ITPR2: variants seen among roughly 807,000 people sequenced by gnomAD.
The protein encoded by ITPR2 is inositol 1,4,5-trisphosphate receptor type 2.
In ITPR2, 207 loss-of-function variants were observed where a neutral mutation model predicts 317.1. The observed-to-expected ratio is 0.65, with a 90% CI of 0.58 to 0.73. ITPR2 has a LOEUF of 0.73. Among genes scored for constraint, ITPR2 ranks in the 30% least tolerant of loss-of-function variants. The pLI is 0.00. For missense variants in ITPR2, 2,613 were observed against 3,284.0 expected, an observed-to-expected ratio of 0.80 and a Z score of 4.99; for synonymous variants, 1,156 against 1,149.1, an observed-to-expected ratio of 1.01 and a Z score of -0.12.
intron 45 of ITPR2, among the ~76,000 whole-genome samples, chr12:26,466,437 G>T (rs907276672): frequency 2.0e-5 from 3 of 152,198 alleles, no homozygotes; most frequent in African/African-American, 7.2e-5. Flanking sequence ...GGTATACTTA[G>T]ATCCTCTTTC....
At chr12:26,695,575 G>C in intron 10 of ITPR2, 31 bp downstream of exon 10, 1 of 1,571,412 alleles carries the variant, frequency 6.4e-7, no homozygotes, top group Non-Finnish European at 8.8e-7. Context: ...AATATGCTGA[G>C]ATTTGTTGGA....
chr12:26,382,587 C>T (rs1220916934), intron 55 of ITPR2, among the ~76,000 whole-genome samples: 1 of 152,088 alleles, frequency 6.6e-6, no homozygotes, highest in Admixed American at 6.6e-5. Flanking sequence ...ATCTCTTGAA[C>T]CTGGGAGGCA....
At chr12:26,649,377 A>C (rs1947190604) in intron 21 of ITPR2, 1 of 152,218 alleles carries the variant, frequency 6.6e-6, no homozygotes, top group Non-Finnish European at 1.5e-5. Flanking sequence ...AATCTAACTG[A>C]CATAATCAAT....
chr12:26,563,943 A>C (rs2137034058), intron 34 of ITPR2, among the ~76,000 whole-genome samples: 1 of 152,332 alleles, frequency 6.6e-6, no homozygotes, highest in Middle Eastern at 3.4e-3. Flanking sequence ...AAGAATAACC[A>C]ATCCTAGTGA....
rs142600653 is a variant in ITPR2 at position 26,509,877 on chromosome 12, C to CA, written c.5074-14618dup. Among the ~76,000 whole-genome samples the CA allele has an allele frequency of 7.7e-3, 1,162 of 150,580 alleles. 18 individuals carry two copies. Among genetic ancestry groups the CA allele is most frequent in the African/African-American group, 0.026 (1,084 of 41,008 alleles). ...ACAACTTCATGGAAATTATGGTTCA[C>CA]AAAATATGTTAGTTAAAAAAGCCCT... On this transcript the variant is annotated intron_variant, in intron 37 of 56. Coordinates refer to ENST00000381340, the MANE Select transcript of ITPR2 (RefSeq NM_002223.4).
chr12:26,580,318 T>C (rs938838426), intron 32 of ITPR2, among the ~76,000 whole-genome samples, 163 bp from the exon 33 acceptor site: 2 of 152,160 alleles, frequency 1.3e-5, no homozygotes, highest in African/African-American at 2.4e-5. Flanking sequence ...ATCATGATAA[T>C]TGTATCAATC....
At chr12:26,713,182 A>G (rs909273875) in intron 8 of ITPR2, among the ~76,000 whole-genome samples, 6 of 152,172 alleles carry the variant, frequency 3.9e-5, no homozygotes, top group Non-Finnish European at 5.9e-5. Context: ...AGGAGCAGTC[A>G]TTGCATTGCT....
At chr12:26,472,118 G>C (rs1429852576) in intron 45 of ITPR2, among the ~76,000 whole-genome samples, 1 of 152,166 alleles carries the variant, frequency 6.6e-6, no homozygotes, top group Non-Finnish European at 1.5e-5. Context: ...TGGTGACGGG[G>C]TTACCCCATA....
intron 37 of ITPR2, among the ~76,000 whole-genome samples, chr12:26,509,503 C>A (rs1943272133): frequency 6.6e-6 from 1 of 151,840 alleles, no homozygotes; most frequent in African/African-American, 2.4e-5. Flanking sequence ...AAAATAATGT[C>A]AGTTCTGTCC....
chr12:26,479,310 A>C (rs7979933), intron 43 of ITPR2, among the ~76,000 whole-genome samples: 3 of 151,830 alleles, frequency 2.0e-5, no homozygotes, highest in African/African-American at 4.8e-5. Flanking sequence ...TTGAATAGTT[A>C]ATAATATCTT....
chr12:26,715,666 CA>C, intron 7 of ITPR2, 85 bp downstream of exon 7: 1 of 879,442 alleles, frequency 1.1e-6, no homozygotes, highest in Non-Finnish European at 1.8e-6. Flanking sequence ...TTATGAACAC[CA>C]GTGAATACAT....
intron 11 of ITPR2, among the ~76,000 whole-genome samples, chr12:26,683,560 A>G (rs1300294755): frequency 6.6e-6 from 1 of 152,242 alleles, no homozygotes; most frequent in South Asian, 2.1e-4. Flanking sequence ...TTAATGAATC[A>G]GCAACGTACA....
At chr12:26,476,688 A>C (rs1469790453) in intron 44 of ITPR2, among the ~76,000 whole-genome samples, 1 of 152,208 alleles carries the variant, frequency 6.6e-6, no homozygotes, top group Non-Finnish European at 1.5e-5. Context: ...GTTGGCTAAG[A>C]AAAGTGCTTA....
Position 26,561,786 on chromosome 12 carries a change from G to T in ITPR2, c.4797C>A (p.Tyr1599Ter). The part of the protein sequence containing the change: ...KEALGGPAWD[Y>*]RNIIEKLQDV... ...CCTGTAACTTTTCAATAATATTTCTGTAATCCCAAGCAGGCCCTCCAAGAG... is the reference window on the plus strand; with the variant it reads ...CCTGTAACTTTTCAATAATATTTCTTTAATCCCAAGCAGGCCCTCCAAGAG... Residue 1599 changes from tyrosine (Y) to a stop codon, truncating the protein, a stop_gained, in exon 35 of 57, where the codon TAC becomes TAA. Coordinates refer to ENST00000381340, the MANE Select transcript of ITPR2 (RefSeq NM_002223.4). LOFTEE classifies it high-confidence loss of function. 1.9e-6 allele frequency: 3 copies of T among 1,579,272 alleles called. No homozygotes were observed. Among genetic ancestry groups the T allele is most frequent in the Non-Finnish European group, 2.6e-6 (3 of 1,170,698 alleles).
intron 13 of ITPR2, among the ~76,000 whole-genome samples, chr12:26,667,139 A>G (rs1947647354): frequency 6.6e-6 from 1 of 152,246 alleles, no homozygotes; most frequent in African/African-American, 2.4e-5. Context: ...AATCATGAAT[A>G]CATTCATAAG....
chr12:26,346,515 C>A (rs186999828), intron 55 of ITPR2, among the ~76,000 whole-genome samples: 3 of 151,606 alleles, frequency 2.0e-5, no homozygotes, highest in African/African-American at 7.3e-5. Flanking sequence ...CCCAGCTACT[C>A]GAGAAGCTGA....
intron 44 of ITPR2, 109 bp from the exon 45 acceptor site, chr12:26,475,527 AG>A: frequency 1.7e-6 from 2 of 1,161,168 alleles, no homozygotes; most frequent in Non-Finnish European, 2.4e-6. Context: ...AAAGTATAAA[AG>A]GACTCTAAAT....
chr12:26,659,055 A>C (rs1416506195), intron 16 of ITPR2, 58 bp downstream of exon 16: 5 of 1,411,496 alleles, frequency 3.5e-6, no homozygotes, highest in African/African-American at 2.9e-5. Context: ...AGTTCTAAAA[A>C]TAAAACATAA....
intron 34 of ITPR2, among the ~76,000 whole-genome samples, chr12:26,564,312 A>G (rs1944893298): frequency 6.6e-6 from 1 of 152,240 alleles, no homozygotes; most frequent in Admixed American, 6.5e-5. Context: ...GTGAGAGAAG[A>G]AATTATTAAG....
Sources: allele counts gnomAD v4.1 joint callset (sites outside exome capture counted in the v4.1 genomes callset), GRCh38; gene constraint gnomAD v4.1.1; transcripts MANE v1.5; gene names NCBI Gene and HGNC (gene_info 2026-07-23, HGNC 2026-07-21).